The following CCDC122 variants were observed in gnomAD, a reference collection of about 807,000 sequenced individuals.
CCDC122 encodes the protein coiled-coil domain containing 122.
Under a neutral mutation model 37.0 loss-of-function variants are expected in CCDC122, and 38 were observed. That is an observed-to-expected ratio of 1.03 (90% CI 0.79 to 1.35). CCDC122 has a LOEUF of 1.35. Among genes scored for constraint, CCDC122 ranks in the 40% most tolerant of loss-of-function variants. CCDC122 has a pLI of 0.00. For missense variants in CCDC122, 305 were observed against 310.0 expected (o/e 0.98, Z 0.12); for synonymous variants, 83 against 95.6 (o/e 0.87, Z 0.77).
At position 43,869,476 on chromosome 13, in the gene CCDC122, G is replaced by A; in HGVS notation, c.-100C>T. 2 of 868,612 alleles carry A rather than the reference G, an allele frequency of 2.3e-6. No homozygotes were observed. The highest frequency in any genetic ancestry group is 3.6e-6 in the Non-Finnish European group (2 of 560,744). 53.8% of individuals were successfully genotyped at this position (868,612 alleles called of 1,614,324 possible). A position where few individuals can be genotyped will look rare whatever the true frequency, so the allele number is the denominator to read the frequency against. On this transcript the variant is annotated 5_prime_UTR_variant, in exon 3 of 7. Coordinates refer to ENST00000444614, the MANE Select transcript of CCDC122 (RefSeq NM_144974.5). ...TCTTTCACTTTTGTTTTTTCCTGTT[G>A]TATATTGGTGATCCTGAAAGGTAAA...
chr13:43,879,246 C>A (rs921678690), intron 1 of CCDC122: 1 of 152,586 alleles, frequency 6.6e-6, no homozygotes, highest in African/African-American at 2.4e-5. Context: ...GCCCGGCTTT[C>A]TAACCGGGCC....
intron 6 of CCDC122, among the ~76,000 whole-genome samples, chr13:43,850,475 A>G (rs1377860122): frequency 1.3e-5 from 2 of 152,224 alleles, no homozygotes; most frequent in African/African-American, 4.8e-5. Context: ...GCAAAGGAAT[A>G]TAAGATATAA....
intron 6 of CCDC122, among the ~76,000 whole-genome samples, chr13:43,850,196 A>C (rs766630699): frequency 6.6e-6 from 1 of 152,180 alleles, no homozygotes; most frequent in East Asian, 1.9e-4. Flanking sequence ...TGGTAGGAGA[A>C]TCTAGACCCC....
At chr13:43,826,035 A>T (rs1319444078) in intron 3 of CCDC122, among the ~76,000 whole-genome samples, 2 of 152,218 alleles carry the variant, frequency 1.3e-5, no homozygotes, top group Non-Finnish European at 2.9e-5. Flanking sequence ...TTTGAAACAC[A>T]ACTTACAGTC....
At chr13:43,835,239 T>A (rs1953133747), downstream of CCDC122, among the ~76,000 whole-genome samples, 1 of 151,894 alleles carries the variant, frequency 6.6e-6, no homozygotes. Flanking sequence ...GTGTTCTCAC[T>A]CCTAGGTGGG....
chr13:43,855,441 G>A (rs1953876654), intron 6 of CCDC122: 1 of 151,246 alleles, frequency 6.6e-6, no homozygotes, highest in South Asian at 2.1e-4. Context: ...TCTACAAGTA[G>A]AACTATAAAA....
intron 3 of CCDC122, 73 bp downstream of exon 3, chr13:43,869,257 CA>C: frequency 9.0e-7 from 1 of 1,114,026 alleles, no homozygotes; most frequent in Non-Finnish European, 1.4e-6. Flanking sequence ...AATTTTAACA[CA>C]ATTATCCTGC....
In CCDC122 at chr13:43,869,201, T is replaced by C. The variant is rs138774693; in HGVS notation, c.46+130A>G. 9.1e-4 allele frequency: 654 copies of C among 718,446 alleles called. 9 individuals are homozygous for C. The East Asian group carries it at 0.016, about 17-fold the overall frequency. The allele number at this position is 718,446 out of a possible 1,614,324, so 44.5% of individuals were successfully genotyped here. On this transcript the variant is annotated intron_variant, in intron 3 of 6. Coordinates refer to ENST00000444614, the MANE Select transcript of CCDC122 (RefSeq NM_144974.5). ...GCCTTTGCTAAACACTGTATATGTT[T>C]GTCCCAGCTAAATGTAACTGCTTCC...
intron 4 of CCDC122, among the ~76,000 whole-genome samples, chr13:43,860,980 T>A (rs959948597): frequency 6.6e-6 from 1 of 152,156 alleles, no homozygotes; most frequent in Admixed American, 6.5e-5. Context: ...TACATAAGTA[T>A]ATATTGCTGA....
downstream of CCDC122, among the ~76,000 whole-genome samples, chr13:43,823,165 A>G (rs1953008179): frequency 6.6e-6 from 1 of 151,928 alleles, no homozygotes; most frequent in African/African-American, 2.4e-5. Flanking sequence ...GATGAATCCT[A>G]CCAGGACTGG....
At chr13:43,857,128 C>T (rs1212037405) in intron 6 of CCDC122, among the ~76,000 whole-genome samples, 1 of 152,158 alleles carries the variant, frequency 6.6e-6, no homozygotes, top group Non-Finnish European at 1.5e-5. Flanking sequence ...TCTCTTATTG[C>T]TAATGAGGAT....
chr13:43,875,444 T>C (rs879588955), intron 1 of CCDC122, among the ~76,000 whole-genome samples: 1 of 152,174 alleles, frequency 6.6e-6, no homozygotes, highest in Admixed American at 6.5e-5. Context: ...GGGTTAAAGA[T>C]CTTGAGATGA....
intron 3 of CCDC122, among the ~76,000 whole-genome samples, chr13:43,824,358 T>C (rs1316798925): frequency 6.6e-6 from 1 of 152,174 alleles, no homozygotes; most frequent in African/African-American, 2.4e-5. Context: ...GCCACATAAG[T>C]TGTGATAGAA....
intron 6 of CCDC122, among the ~76,000 whole-genome samples, chr13:43,846,223 C>T (rs769847169): frequency 2.0e-4 from 31 of 151,894 alleles, no homozygotes; most frequent in Non-Finnish European, 3.5e-4. Context: ...TACAGGTGCC[C>T]GCCACCACGC....
intron 1 of CCDC122, chr13:43,878,098 T>A (rs1954706187): frequency 6.6e-6 from 1 of 152,054 alleles, no homozygotes; most frequent in Non-Finnish European, 1.5e-5. Flanking sequence ...ATTTTCTTTT[T>A]CATTTTTTTT....
downstream of CCDC122, among the ~76,000 whole-genome samples, chr13:43,833,305 G>A (rs184343635): frequency 6.6e-5 from 10 of 152,224 alleles, no homozygotes; most frequent in Admixed American, 5.9e-4. Context: ...TGCCTAGCAG[G>A]CCCGGATCAG....
At chr13:43,878,992 T>C (rs1954764020) in intron 1 of CCDC122, among the ~76,000 whole-genome samples, 1 of 152,140 alleles carries the variant, frequency 6.6e-6, no homozygotes. Flanking sequence ...TGGGAAAAGC[T>C]GCCAAGAGCT....
chr13:43,872,303 C>G (rs1014750844), intron 2 of CCDC122, among the ~76,000 whole-genome samples: 2 of 152,074 alleles, frequency 1.3e-5, no homozygotes, highest in African/African-American at 4.8e-5. Flanking sequence ...ACTCCCTGTC[C>G]TAATTCCCTG....
chr13:43,850,454 A>G (rs564682011), intron 6 of CCDC122, among the ~76,000 whole-genome samples: 1 of 152,348 alleles, frequency 6.6e-6, no homozygotes, highest in African/African-American at 2.4e-5. Flanking sequence ...TGTAAAAAAT[A>G]GAAAGTCTGA....
Sources: allele counts gnomAD v4.1 joint callset (sites outside exome capture counted in the v4.1 genomes callset), GRCh38; gene constraint gnomAD v4.1.1; transcripts MANE v1.5; gene names NCBI Gene and HGNC (gene_info 2026-07-23, HGNC 2026-07-21).